GALNT13: variants seen among roughly 807,000 people sequenced by gnomAD.
GALNT13 encodes UDP-GalNAc:polypeptide N-acetylgalactosaminyltransferase 13.
GALNT13 carries 28 observed loss-of-function variants against 64.2 expected under a neutral mutation model. The observed-to-expected ratio is 0.44, with a 90% CI of 0.32 to 0.60. The LOEUF (loss-of-function observed/expected upper bound fraction) is 0.60. Among genes scored for constraint, GALNT13 ranks in the 20% least tolerant of loss-of-function variants. The probability of loss-of-function intolerance (pLI) is 0.05; values close to 1 mark genes in which losing one functional copy is unlikely to be tolerated. For synonymous variants in GALNT13, 214 were observed against 224.6 expected (o/e 0.95, Z 0.42); for missense variants, 577 against 669.8 (o/e 0.86, Z 1.53).
chr2:154,404,691 G>A (rs1055067520), intron 10 of GALNT13, among the ~76,000 whole-genome samples: 2 of 152,166 alleles, frequency 1.3e-5, no homozygotes, highest in Non-Finnish European at 2.9e-5. Flanking sequence ...GTGAATTCTT[G>A]AAACTCACTA....
chr2:153,861,046 G>A, the GALNT13 span, among the ~76,000 whole-genome samples: 124,914 of 152,076 alleles, frequency 0.82, 52,554 homozygotes, highest in Non-Finnish European at 0.9. Context: ...CTATTCCTAA[G>A]TTTTCCCCAC....
At chr2:153,270,326 C>T in the GALNT13 span, among the ~76,000 whole-genome samples, 4 of 152,288 alleles carry the variant, frequency 2.6e-5, no homozygotes, top group East Asian at 5.8e-4. Flanking sequence ...TAATGCTAGA[C>T]ACTAGACTGA....
chr2:153,338,998 A>G, the GALNT13 span, among the ~76,000 whole-genome samples: 6 of 152,238 alleles, frequency 3.9e-5, no homozygotes, highest in African/African-American at 7.2e-5. Context: ...CTCTGTATAT[A>G]TACCACATTT....
At chr2:153,987,090 G>T (rs1039405344) in intron 3 of GALNT13, among the ~76,000 whole-genome samples, 3 of 152,020 alleles carry the variant, frequency 2.0e-5, no homozygotes, top group Middle Eastern at 3.4e-3. Flanking sequence ...CGAATGCCTA[G>T]AGTTGATATC....
chr2:153,127,661 A>G, the GALNT13 span, among the ~76,000 whole-genome samples: 1 of 152,192 alleles, frequency 6.6e-6, no homozygotes, highest in Non-Finnish European at 1.5e-5. Flanking sequence ...TGGATTCACA[A>G]TACAGCCCTG....
intron 3 of GALNT13, among the ~76,000 whole-genome samples, chr2:154,121,518 T>C (rs895729866): frequency 6.6e-5 from 10 of 152,150 alleles, no homozygotes; most frequent in Admixed American, 6.5e-4. Flanking sequence ...GTCTAACATA[T>C]ATAGATTTTA....
the GALNT13 span, among the ~76,000 whole-genome samples, chr2:153,372,447 A>T: frequency 6.6e-5 from 10 of 152,134 alleles, no homozygotes; most frequent in Non-Finnish European, 1.2e-4. Flanking sequence ...AGAGATCGAG[A>T]CCATCCTGGC....
At chr2:154,000,708 A>C in intron 3 of GALNT13, among the ~76,000 whole-genome samples, 1 of 152,004 alleles carries the variant, frequency 6.6e-6, no homozygotes, top group Non-Finnish European at 1.5e-5. Context: ...TGTGACCTAA[A>C]GTATGGTCTA....
chr2:154,206,074 T>C (rs983273534), intron 4 of GALNT13, among the ~76,000 whole-genome samples: 1 of 152,000 alleles, frequency 6.6e-6, no homozygotes, highest in African/African-American at 2.4e-5. Context: ...CTCGGCTCAC[T>C]GCAAGCTTCA....
chr2:154,221,590 C>T (rs1406110084), intron 4 of GALNT13, among the ~76,000 whole-genome samples: 1 of 152,026 alleles, frequency 6.6e-6, no homozygotes, highest in Non-Finnish European at 1.5e-5. Flanking sequence ...GCAGTAGGTT[C>T]TCCTTAGAGA....
chr2:153,116,794 CTTTT>C, the GALNT13 span, among the ~76,000 whole-genome samples: 2 of 82,464 alleles, frequency 2.4e-5, no homozygotes, highest in Admixed American at 1.9e-4. Context: ...GTGTTGTCTT[CTTTT>C]TTTTTTTTTT....
chr2:153,986,912 T>G (rs1312766814), intron 3 of GALNT13, among the ~76,000 whole-genome samples: 1 of 151,914 alleles, frequency 6.6e-6, no homozygotes, highest in Non-Finnish European at 1.5e-5. Flanking sequence ...AGGAAGGGAA[T>G]GAGAAGAAAT....
intron 11 of GALNT13, among the ~76,000 whole-genome samples, chr2:154,434,376 C>G (rs1229375903): frequency 6.6e-6 from 1 of 152,232 alleles, no homozygotes; most frequent in Non-Finnish European, 1.5e-5. Flanking sequence ...TCTCCTGCCT[C>G]AGCCTCCAGA....
At chr2:153,257,593 A>T in the GALNT13 span, among the ~76,000 whole-genome samples, 55 of 152,230 alleles carry the variant, frequency 3.6e-4, no homozygotes, top group African/African-American at 1.3e-3. Flanking sequence ...TTTTCCCTTA[A>T]AAGTTTGCTG....
the GALNT13 span, among the ~76,000 whole-genome samples, chr2:153,271,823 A>G: frequency 6.6e-6 from 1 of 152,204 alleles, no homozygotes; most frequent in African/African-American, 2.4e-5. Flanking sequence ...ATCCTAAGCA[A>G]AAAGAACAAA....
chr2:153,630,216 C>T, the GALNT13 span, among the ~76,000 whole-genome samples: 1 of 151,894 alleles, frequency 6.6e-6, no homozygotes, highest in Admixed American at 6.6e-5. Context: ...TATTGCAGCA[C>T]TATTCACAAT....
chr2:154,301,451 C>A lies in GALNT13; in HGVS notation c.1018C>A (p.His340Asn). ...GGSLEIVTCS[H>N]VGHVFRKATP... The stretch of plus-strand genomic sequence containing the variant: ...CTCCTTGGAGATTGTTACTTGCTCC[C>A]ATGTTGGTCATGTTTTTCGGAAGGC... Residue 340 changes from histidine (H) to asparagine (N), a missense_variant, in exon 9 of 13, where the codon CAT (histidine) becomes AAT (asparagine). His to Asn is a moderately conservative substitution (Grantham distance 68). Around this residue, in one of 3 missense-constraint regions of GALNT13, gnomAD observed 232 missense variants for 270.6 expected, o/e 0.86. Transcript: ENST00000392825. 6.2e-7 allele frequency: 1 copy of A among 1,613,620 alleles called. No individual in the cohort carries two copies. The highest frequency in any genetic ancestry group is 8.5e-7 in the Non-Finnish European group (1 of 1,179,668).
chr2:153,420,697 C>A, the GALNT13 span: 1 of 226,614 alleles, frequency 4.4e-6, no homozygotes. Context: ...TTTTCTTCAA[C>A]AGAATCCACA....
At chr2:154,024,541 A>T (rs1697794439) in intron 3 of GALNT13, among the ~76,000 whole-genome samples, 1 of 152,066 alleles carries the variant, frequency 6.6e-6, no homozygotes, top group African/African-American at 2.4e-5. Context: ...TTTCAGATCC[A>T]TCAGGTCCTT....
Sources: allele counts gnomAD v4.1 joint callset (sites outside exome capture counted in the v4.1 genomes callset), GRCh38; gene constraint gnomAD v4.1.1; regional missense constraint gnomAD v4.1.1; transcripts MANE v1.5; gene names NCBI Gene and HGNC (gene_info 2026-07-23, HGNC 2026-07-21).